The following ZWILCH variants were observed in gnomAD, a reference collection of about 807,000 sequenced individuals.
The protein encoded by ZWILCH is zwilch kinetochore protein.
In ZWILCH, 74 loss-of-function variants were observed where a neutral mutation model predicts 79.9. That is an observed-to-expected ratio of 0.93 (90% confidence interval 0.77 to 1.12). The LOEUF (loss-of-function observed/expected upper bound fraction) is 1.12. Ranked by LOEUF, ZWILCH falls within the 50% of genes most tolerant of loss-of-function variation. The pLI, the probability that ZWILCH is intolerant of heterozygous loss-of-function variation, is 0.00. For synonymous variants in ZWILCH, 241 were observed against 228.2 expected (o/e 1.06, Z -0.51); for missense variants, 694 against 687.5 (o/e 1.01, Z -0.11).
At chr15:66,521,870 T>G (rs1402998723) in intron 7 of ZWILCH, among the ~76,000 whole-genome samples, 3 of 152,096 alleles carry the variant, frequency 2.0e-5, no homozygotes, top group Non-Finnish European at 4.4e-5. Context: ...GCCCTTTCAC[T>G]CTGTATTTAC....
At chr15:66,540,017 C>A in intron 16 of ZWILCH, 81 bp from the exon 17 acceptor site, 1 of 922,962 alleles carries the variant, frequency 1.1e-6, no homozygotes, top group East Asian at 2.5e-5. Context: ...CACATGAAGA[C>A]TTCACTAAAT....
At position 66,528,883 on chromosome 15, in the gene ZWILCH, G is replaced by C. The variant is rs372540184; in HGVS notation, c.1001G>C (p.Arg334Pro). 1.2e-6 allele frequency: 2 copies of C among 1,613,964 alleles called. No homozygotes were observed. The highest frequency in any genetic ancestry group is 1.7e-6 in the Non-Finnish European group (2 of 1,179,934). Residue 334 changes from arginine (R) to proline (P), a missense_variant, in exon 11 of 19, where the codon CGT (arginine) becomes CCT (proline). Arg to Pro is a moderately radical substitution (Grantham distance 103). Coordinates refer to ENST00000307897, the MANE Select transcript of ZWILCH (RefSeq NM_017975.5). ...AAGCATGACACTGCTGCAGTCGATC[G>C]TTCCGTCAAGCGTCTTTTCAAAGTT... ...TLKHDTAAVD[R>P]SVKRLFKVRS...
chr15:66,513,428 C>T (rs576735713), intron 2 of ZWILCH, among the ~76,000 whole-genome samples: 12 of 151,936 alleles, frequency 7.9e-5, no homozygotes, highest in Non-Finnish European at 1.3e-4. Flanking sequence ...TAGCCAGGTG[C>T]GGTGGCACAC....
chr15:66,515,240 T>C (rs1260604331), intron 3 of ZWILCH, among the ~76,000 whole-genome samples: 1 of 152,138 alleles, frequency 6.6e-6, no homozygotes, highest in East Asian at 1.9e-4. Flanking sequence ...TGCGACACCA[T>C]GTCCTGCCGA....
intron 17 of ZWILCH, among the ~76,000 whole-genome samples, chr15:66,544,846 C>A (rs1250853952): frequency 6.6e-6 from 1 of 150,712 alleles, no homozygotes; most frequent in Non-Finnish European, 1.5e-5. Context: ...CGGGTTCAAG[C>A]TATTCTCCTG....
chr15:66,519,620 A>AT (rs1231333404), intron 5 of ZWILCH, among the ~76,000 whole-genome samples: 1 of 151,298 alleles, frequency 6.6e-6, no homozygotes, highest in Non-Finnish European at 1.5e-5. Context: ...CGCCCGGCTA[A>AT]TTTTTTTGTA....
intron 16 of ZWILCH, 31 bp downstream of exon 16, chr15:66,537,294 A>C (rs780766018): frequency 1.2e-4 from 179 of 1,518,430 alleles, no homozygotes; most frequent in Non-Finnish European, 1.5e-4. Context: ...ATGGTGGCTC[A>C]TGCCTGTAAT....
At chr15:66,515,866 A>G (rs1894233039) in intron 4 of ZWILCH, among the ~76,000 whole-genome samples, 1 of 152,120 alleles carries the variant, frequency 6.6e-6, no homozygotes, top group African/African-American at 2.4e-5. Context: ...CTACACCTCT[A>G]TACCAATTTA....
In ZWILCH at chr15:66,519,103, G is replaced by A. The variant is rs759163184; in HGVS notation, c.520+25G>A. 8.8e-6 allele frequency: 14 copies of A among 1,598,960 alleles called. No individual in the cohort carries two copies. In the South Asian group the frequency reaches 1.4e-4, roughly 16 times the overall value. On this transcript the variant is annotated intron_variant, in intron 5 of 18. Transcript: ENST00000307897. The stretch of plus-strand genomic sequence containing the variant: ...GGTGAGTGCTCTCTCTAGAGAGTGT[G>A]TGTGTGTATTTATTCATTTGTATAG...
At position 66,514,065 on chromosome 15, in the gene ZWILCH, A is replaced by C; in HGVS notation, c.183A>C (p.Val61=). The change falls in exon 3 of 19, where the codon GTA becomes GTC. Residue 61 remains valine, a synonymous_variant. Coordinates refer to ENST00000307897, the MANE Select transcript of ZWILCH (RefSeq NM_017975.5). Reference sequence around the variant, plus strand: ...ATATTCTAAATGAAAATGACATAGTATTCATAGTGGAAAAAGTGGTAAGTA... The same window carrying C: ...ATATTCTAAATGAAAATGACATAGTCTTCATAGTGGAAAAAGTGGTAAGTA... The part of the protein sequence containing the change: ...LKNILNENDI[V]FIVEKVPLEK... 1 of 1,609,932 alleles carries C rather than the reference A, an allele frequency of 6.2e-7. No homozygotes were observed. The highest frequency in any genetic ancestry group is 8.5e-7 in the Non-Finnish European group (1 of 1,178,032).
chr15:66,541,240 G>A (rs936073537), intron 17 of ZWILCH, among the ~76,000 whole-genome samples: 2 of 151,844 alleles, frequency 1.3e-5, no homozygotes, highest in Admixed American at 1.3e-4. Flanking sequence ...TGAGCTGGTC[G>A]CACTACTGCA....
At chr15:66,541,523 A>G (rs1219614725) in intron 17 of ZWILCH, among the ~76,000 whole-genome samples, 1 of 152,192 alleles carries the variant, frequency 6.6e-6, no homozygotes, top group African/African-American at 2.4e-5. Context: ...GGTTAAAACG[A>G]TGATGATATT....
chr15:66,527,798 A>T, intron 9 of ZWILCH, 59 bp from the exon 10 acceptor site: 2 of 1,443,060 alleles, frequency 1.4e-6, no homozygotes, highest in South Asian at 1.2e-5. Flanking sequence ...TAGGATTAGG[A>T]TGGAAATAAT....
chr15:66,514,237 A>G (rs1894174416), intron 3 of ZWILCH, 154 bp downstream of exon 3: 1 of 437,348 alleles, frequency 2.3e-6, no homozygotes, highest in Non-Finnish European at 4.1e-6. Context: ...GTACAAATAA[A>G]TATGAACCAC....
Position 66,527,863 on chromosome 15 carries a change from A to C in ZWILCH, c.920A>C (p.Asn307Thr), listed in dbSNP as rs1456098079. The C allele has an allele frequency of 6.3e-7, 1 of 1,599,650 alleles. No homozygotes were observed. The highest frequency in any genetic ancestry group is 8.5e-7 in the Non-Finnish European group (1 of 1,176,702). The change falls in exon 10 of 19, where the codon AAT becomes ACT. Residue 307 changes from asparagine to threonine, a missense_variant. Physicochemically the swap from Asn to Thr is moderately conservative, Grantham distance 65. Coordinates refer to ENST00000307897, the MANE Select transcript of ZWILCH (RefSeq NM_017975.5). ...ELVQEFLNDL[N>T]KLDGFGDSTK... Reference sequence around the variant, plus strand: ...AACTTTTGCCACTTTCTAGACTTAAATAAGCTGGATGGATTTGGTGATTCT... The same window carrying C: ...AACTTTTGCCACTTTCTAGACTTAACTAAGCTGGATGGATTTGGTGATTCT...
At chr15:66,516,549 A>G (rs933519078) in intron 4 of ZWILCH, among the ~76,000 whole-genome samples, 2 of 150,420 alleles carry the variant, frequency 1.3e-5, no homozygotes, top group Non-Finnish European at 2.9e-5. Flanking sequence ...CTTGTTGCCC[A>G]AGCTGGAGTG....
At chr15:66,542,050 T>C (rs1895206728) in intron 17 of ZWILCH, among the ~76,000 whole-genome samples, 1 of 152,216 alleles carries the variant, frequency 6.6e-6, no homozygotes, top group South Asian at 2.1e-4. Context: ...GCTGTTTTTT[T>C]CTAAGTGTTA....
chr15:66,529,156 T>TTC (rs1348706551), intron 11 of ZWILCH, among the ~76,000 whole-genome samples, 199 bp downstream of exon 11: 3 of 152,234 alleles, frequency 2.0e-5, no homozygotes, highest in African/African-American at 7.2e-5. Context: ...AATTATCCTT[T>TTC]TCTCCTGCCT....
At chr15:66,521,788 A>G (rs901626853) in intron 7 of ZWILCH, among the ~76,000 whole-genome samples, 21 of 152,058 alleles carry the variant, frequency 1.4e-4, no homozygotes, top group Non-Finnish European at 2.8e-4. Context: ...GGCGTGAGCC[A>G]CTGTGCCTGG....
Sources: allele counts gnomAD v4.1 joint callset (sites outside exome capture counted in the v4.1 genomes callset), GRCh38; gene constraint gnomAD v4.1.1; transcripts MANE v1.5; gene names NCBI Gene and HGNC (gene_info 2026-07-23, HGNC 2026-07-21).